The following APAF1 variants were observed in gnomAD, a reference collection of about 807,000 sequenced individuals.
The protein encoded by APAF1 is apoptotic peptidase activating factor 1.
A neutral mutation model predicts 152.4 loss-of-function variants in APAF1; 91 were observed. The observed-to-expected ratio is 0.60, with a 90% CI of 0.50 to 0.71. The LOEUF is 0.71. APAF1 is among the 30% of genes least tolerant of loss of function. The pLI, the probability that APAF1 is intolerant of heterozygous loss-of-function variation, is 0.00. For synonymous variants in APAF1, 484 were observed against 494.1 expected, an observed-to-expected ratio of 0.98 and a Z score of 0.27; for missense variants, 1,283 against 1,472.0, an observed-to-expected ratio of 0.87 and a Z score of 2.10.
At chr12:98,702,231 A>G (rs547688311) in intron 17 of APAF1, among the ~76,000 whole-genome samples, 1 of 151,994 alleles carries the variant, frequency 6.6e-6, no homozygotes, top group Non-Finnish European at 1.5e-5. Context: ...GCGCCCGGCT[A>G]ATTTTTTGTA....
chr12:98,696,308 G>C (rs868671195), intron 16 of APAF1, among the ~76,000 whole-genome samples: 2 of 152,184 alleles, frequency 1.3e-5, no homozygotes, highest in Non-Finnish European at 2.9e-5. Flanking sequence ...TATGAAAAGA[G>C]AGGATTGAAG....
rs372154070 is a variant in APAF1 at position 98,700,151 on chromosome 12, T to G, written c.2466+582T>G. On this transcript the variant is annotated intron_variant, in intron 17 of 26. Coordinates refer to ENST00000551964, the MANE Select transcript of APAF1 (RefSeq NM_181861.2). ...TAATAGTAGCTGGTATTTGTGGTAT[T>G]CAGAGTGCCCTCACATATAATTTCT... is the stretch of plus-strand genomic sequence containing the variant. Among the ~76,000 whole-genome samples, 91 of 152,318 alleles carry G rather than the reference T, an allele frequency of 6.0e-4. 1 individual carries two copies. The highest frequency in any genetic ancestry group is 1.7e-3 in the African/African-American group (71 of 41,584).
intron 9 of APAF1, among the ~76,000 whole-genome samples, 175 bp from the exon 10 acceptor site, chr12:98,667,338 A>G (rs2097674297): frequency 6.6e-6 from 1 of 152,006 alleles, no homozygotes; most frequent in Admixed American, 6.6e-5. Flanking sequence ...CTAGTCTCGA[A>G]GTCCTGGCCT....
chr12:98,717,741 C>CT (rs1204818792), intron 22 of APAF1, among the ~76,000 whole-genome samples: 1 of 151,722 alleles, frequency 6.6e-6, no homozygotes, highest in Non-Finnish European at 1.5e-5. Flanking sequence ...CTCCAAGTTG[C>CT]TTTTTTCTGT....
intron 19 of APAF1, among the ~76,000 whole-genome samples, chr12:98,707,692 CTA>C (rs10668292): frequency 5.3e-4 from 74 of 139,554 alleles, no homozygotes; most frequent in East Asian, 6.6e-4. Context: ...ATGCAAAGTA[CTA>C]TATATATATA....
intron 4 of APAF1, among the ~76,000 whole-genome samples, chr12:98,654,412 AATTTTATTTT>A (rs1181218137): frequency 6.6e-6 from 1 of 151,938 alleles, no homozygotes; most frequent in African/African-American, 2.4e-5. Flanking sequence ...GATTTTTACA[AATTTTATTTT>A]ATTTTATTTT....
chr12:98,699,633 T>G, intron 17 of APAF1, 64 bp downstream of exon 17: 1 of 1,578,134 alleles, frequency 6.3e-7, no homozygotes, highest in Non-Finnish European at 8.7e-7. Context: ...TGTTCATTTT[T>G]GCATTTTACA....
rs1366982661 is a variant in APAF1, at chr12:98,733,046, C to T, written c.*480C>T. ...AGGTTTTTTGCACTCTTTAAATTTG[C>T]TTTAAAAATATTGTGTCTGTGTGCA... On this transcript the variant is annotated 3_prime_UTR_variant, in exon 27 of 27. Transcript: ENST00000551964. 1.2e-5 allele frequency: 2 copies of T among 160,854 alleles called. No individual in the cohort carries two copies. Among genetic ancestry groups the T allele is most frequent in the East Asian group, 3.7e-4 (2 of 5,400 alleles). The allele number at this position is 160,854 out of a possible 1,614,324, so 10.0% of individuals were successfully genotyped here. A position where few individuals can be genotyped will look rare whatever the true frequency, so the allele number is the denominator to read the frequency against.
intron 1 of APAF1, among the ~76,000 whole-genome samples, chr12:98,646,263 ACTATAAAT>A (rs2097640226): frequency 1.3e-5 from 2 of 152,238 alleles, no homozygotes; most frequent in South Asian, 4.1e-4. Flanking sequence ...GAATTTCATT[ACTATAAAT>A]TAAGGAACAT....
chr12:98,709,485 G>T (rs996334683), intron 20 of APAF1, among the ~76,000 whole-genome samples: 15 of 152,188 alleles, frequency 9.9e-5, no homozygotes, highest in African/African-American at 3.6e-4. Flanking sequence ...GAATTCAAGA[G>T]CAGGTTGGCA....
chr12:98,686,181 T>G (rs1190238503), intron 15 of APAF1, among the ~76,000 whole-genome samples: 3 of 152,236 alleles, frequency 2.0e-5, no homozygotes, highest in African/African-American at 4.8e-5. Context: ...ATGTAGCATT[T>G]GTTCTGCCTC....
rs553425177 is a variant in APAF1 at position 98,667,549 on chromosome 12, T to G, written c.1399T>G (p.Tyr467Asp). ...GAAGATAATCACTCAGTTTCAGAGATATCACCAGCCGCATACTCTTTCACC... is the reference window on the plus strand; with the variant it reads ...GAAGATAATCACTCAGTTTCAGAGAGATCACCAGCCGCATACTCTTTCACC... ...HKKIITQFQR[Y>D]HQPHTLSPDQ... The change falls in exon 10 of 27, where the codon TAT becomes GAT. Residue 467 changes from tyrosine to aspartate, a missense_variant. By Grantham distance (160) the Tyr-to-Asp change is radical. Transcript: ENST00000551964. 9.9e-6 allele frequency: 16 copies of G among 1,614,088 alleles called. No homozygotes were observed. The South Asian group carries it at 1.6e-4, about 17-fold the overall frequency.
rs1423899605 is a variant in APAF1, at chr12:98,683,187, G to A, written c.2091G>A (p.Glu697=). Residue 697 remains glutamate, a synonymous_variant, in exon 15 of 27, where the codon GAG becomes GAA. Transcript: ENST00000551964. ...GGGAACTAGTACACACCTATGATGA[G>A]CACTCAGAGCAAGTCAATTGCTGCC... ...MTGELVHTYD[E]HSEQVNCCHF... is the part of the protein sequence containing the mutation. 3 of 1,613,426 alleles carry A rather than the reference G, an allele frequency of 1.9e-6. No individual in the cohort carries two copies. In the South Asian group the frequency reaches 3.3e-5, roughly 18 times the overall value.
At chr12:98,731,879 T>C (rs2097762295) in intron 26 of APAF1, among the ~76,000 whole-genome samples, 1 of 152,252 alleles carries the variant, frequency 6.6e-6, no homozygotes, top group Non-Finnish European at 1.5e-5. Flanking sequence ...AGTATTTGTT[T>C]AGTAAATAAA....
chr12:98,726,102 C>G (rs2097750178), intron 25 of APAF1, among the ~76,000 whole-genome samples: 1 of 152,160 alleles, frequency 6.6e-6, no homozygotes. Context: ...CATGCTAGGC[C>G]AGTTTTTATT....
chr12:98,717,591 G>C (rs2097736380), intron 22 of APAF1, among the ~76,000 whole-genome samples: 1 of 151,826 alleles, frequency 6.6e-6, no homozygotes, highest in Non-Finnish European at 1.5e-5. Flanking sequence ...GGTCAGGCTG[G>C]TCTTGAACTC....
intron 4 of APAF1, among the ~76,000 whole-genome samples, chr12:98,658,863 G>A (rs749052401): frequency 6.6e-6 from 1 of 152,198 alleles, no homozygotes; most frequent in Non-Finnish European, 1.5e-5. Context: ...TAGAAACTGT[G>A]CTGTGCAGTG....
Position 98,735,094 on chromosome 12 carries a change from G to A in APAF1, c.*2528G>A, listed in dbSNP as rs116928965. 0.012 allele frequency: 4,620 copies of A among 398,054 alleles called. 311 individuals are homozygous for A. The East Asian group carries it at 0.14, about 12-fold the overall frequency. 24.7% of individuals were successfully genotyped at this position (398,054 alleles called of 1,614,324 possible). A position where few individuals can be genotyped will look rare whatever the true frequency, so the allele number is the denominator to read the frequency against. ...AAGACCCTGTCTTAAAAGAAAAATG[G>A]GAAGAAAGACAAGGTAACATGAAGA... On this transcript the variant is annotated 3_prime_UTR_variant, in exon 27 of 27. Transcript: ENST00000551964.
rs1293983376 is a variant in APAF1, at chr12:98,734,795, A to T, written c.*2229A>T. 1.1e-5 allele frequency: 2 copies of T among 178,652 alleles called. No individual in the cohort carries two copies. The highest frequency in any genetic ancestry group is 2.4e-5 in the Non-Finnish European group (2 of 85,088). The allele number at this position is 178,652 out of a possible 1,614,324, so 11.1% of individuals were successfully genotyped here. The stretch of plus-strand genomic sequence containing the variant: ...TTCTGTAAATGGTATGTCTCCTTAG[A>T]ATACCCAAATCATAATTTTATTTGT... On this transcript the variant is annotated 3_prime_UTR_variant, in exon 27 of 27. Coordinates refer to ENST00000551964, the MANE Select transcript of APAF1 (RefSeq NM_181861.2).
Sources: gnomAD v4.1 joint callset for allele counts (sites outside exome capture counted in the v4.1 genomes callset) on GRCh38, gnomAD v4.1.1 for gene constraint, MANE v1.5 for transcripts, NCBI Gene and HGNC (gene_info 2026-07-23, HGNC 2026-07-21) for gene names.